The following COL19A1 variants were observed in gnomAD, a reference collection of about 807,000 sequenced individuals.
The protein encoded by COL19A1 is collagen type XIX alpha 1 chain.
A neutral mutation model predicts 190.2 loss-of-function variants in COL19A1; 159 were observed. The observed-to-expected ratio is 0.84, with a 90% CI of 0.73 to 0.95. COL19A1 has a LOEUF of 0.95. COL19A1 is among the 40% of genes least tolerant of loss of function. The pLI is 0.00. For missense variants in COL19A1, 1,418 were observed against 1,431.9 expected (o/e 0.99, Z 0.16); for synonymous variants, 509 against 458.9 (o/e 1.11, Z -1.39).
intron 11 of COL19A1, among the ~76,000 whole-genome samples, chr6:69,964,884 T>C (rs553023307): frequency 6.6e-6 from 1 of 152,336 alleles, no homozygotes; most frequent in Admixed American, 6.5e-5. Flanking sequence ...GTAAAAATGA[T>C]GTTCTGCTTT....
At chr6:69,969,661 T>G (rs969083972) in intron 11 of COL19A1, among the ~76,000 whole-genome samples, 3 of 152,212 alleles carry the variant, frequency 2.0e-5, no homozygotes, top group African/African-American at 7.2e-5. Flanking sequence ...TAGAGATTAT[T>G]TAAAGTATAT....
intron 19 of COL19A1, 90 bp from the exon 20 acceptor site, chr6:70,140,864 T>G: frequency 5.0e-6 from 6 of 1,195,222 alleles, no homozygotes; most frequent in Non-Finnish European, 5.0e-6. Context: ...AATGGGAATC[T>G]GAGTTTGGCC....
intron 11 of COL19A1, among the ~76,000 whole-genome samples, chr6:69,982,353 G>C (rs1237544278): frequency 6.7e-6 from 1 of 148,434 alleles, no homozygotes; most frequent in Non-Finnish European, 1.5e-5. Context: ...CGATTTTCCT[G>C]CCTCAGCCTC....
intron 14 of COL19A1, among the ~76,000 whole-genome samples, chr6:70,052,552 C>T (rs539064295): frequency 6.6e-6 from 1 of 152,286 alleles, no homozygotes; most frequent in African/African-American, 2.4e-5. Context: ...TCTATTCTTA[C>T]TTCTCTTCAG....
chr6:70,039,760 G>T (rs889679546), intron 14 of COL19A1, among the ~76,000 whole-genome samples: 113 of 139,796 alleles, frequency 8.1e-4, no homozygotes, highest in African/African-American at 2.7e-3. Context: ...GGGAAGTATT[G>T]TTTTTTTTTT....
chr6:69,961,415 A>G (rs2150045709), intron 10 of COL19A1, among the ~76,000 whole-genome samples: 1 of 152,352 alleles, frequency 6.6e-6, no homozygotes, highest in East Asian at 1.9e-4. Flanking sequence ...GTTGCAAGCC[A>G]AGGGATGTGC....
intron 9 of COL19A1, among the ~76,000 whole-genome samples, chr6:69,949,821 T>A (rs1404610242): frequency 6.6e-6 from 1 of 151,798 alleles, no homozygotes; most frequent in Non-Finnish European, 1.5e-5. Flanking sequence ...GAATCAGGAG[T>A]ACTTAAGAGT....
chr6:69,913,811 C>T (rs1026300852), intron 4 of COL19A1, among the ~76,000 whole-genome samples: 1 of 152,034 alleles, frequency 6.6e-6, no homozygotes, highest in African/African-American at 2.4e-5. Flanking sequence ...AACAGCTGAG[C>T]GCATATGCCA....
At chr6:69,925,815 T>C (rs938954060) in intron 4 of COL19A1, among the ~76,000 whole-genome samples, 7 of 152,174 alleles carry the variant, frequency 4.6e-5, no homozygotes, top group Non-Finnish European at 8.8e-5. Flanking sequence ...CCTTGTAAGT[T>C]GGATTTCTAG....
intron 18 of COL19A1, among the ~76,000 whole-genome samples, chr6:70,131,672 A>G (rs905493024): frequency 1.4e-5 from 2 of 146,250 alleles, no homozygotes; most frequent in African/African-American, 2.8e-5. Flanking sequence ...GGCTAAGGGG[A>G]AAAAAAAGGA....
chr6:70,153,015 C>T (rs1787172346), intron 31 of COL19A1, among the ~76,000 whole-genome samples: 1 of 152,096 alleles, frequency 6.6e-6, no homozygotes, highest in South Asian at 2.1e-4. Context: ...AATGAGTGTG[C>T]TCTGCCATTG....
chr6:70,146,792 A>G lies in COL19A1; in HGVS notation c.1816-20A>G. The G allele has an allele frequency of 6.3e-7, 1 of 1,592,384 alleles. No individual in the cohort carries two copies. Among genetic ancestry groups the G allele is most frequent in the Non-Finnish European group, 8.5e-7 (1 of 1,171,968 alleles). ...TATGTCTCTTGAGCCTTGCAGTAACAGAAGCCTTTCATTTCACAGGGTGAA... is the reference window on the plus strand; with the variant it reads ...TATGTCTCTTGAGCCTTGCAGTAACGGAAGCCTTTCATTTCACAGGGTGAA... On this transcript the variant is annotated intron_variant, in intron 26 of 50. Transcript: ENST00000620364.
At chr6:69,950,567 G>A (rs2150034340) in intron 9 of COL19A1, among the ~76,000 whole-genome samples, 1 of 151,726 alleles carries the variant, frequency 6.6e-6, no homozygotes, top group Non-Finnish European at 1.5e-5. Flanking sequence ...GGCGACTTCT[G>A]GTAAGCTTGG....
chr6:69,917,486 G>T (rs1771381195), intron 4 of COL19A1, among the ~76,000 whole-genome samples: 1 of 152,158 alleles, frequency 6.6e-6, no homozygotes, highest in Admixed American at 6.5e-5. Context: ...TAGTCTAGAT[G>T]CTTGATTTAC....
At chr6:69,901,709 A>G (rs116913495) in intron 4 of COL19A1, among the ~76,000 whole-genome samples, 2,520 of 152,320 alleles carry the variant, frequency 0.017, 39 homozygotes, top group Non-Finnish European at 0.025. Context: ...GGAGTAGATA[A>G]CTTTAATTAA....
At chr6:70,033,007 A>G (rs1337485075) in intron 12 of COL19A1, among the ~76,000 whole-genome samples, 1 of 152,160 alleles carries the variant, frequency 6.6e-6, no homozygotes, top group Non-Finnish European at 1.5e-5. Context: ...CTCAAATATC[A>G]TTTAATTTTT....
rs79072099 is a variant in COL19A1 at position 69,888,060 on chromosome 6, G to C, written c.91+8402G>C. Among the ~76,000 whole-genome samples, 1,013 of 152,308 alleles carry C rather than the reference G, an allele frequency of 6.7e-3. 24 individuals are homozygous for C. In the East Asian group the frequency reaches 0.07, roughly 11 times the overall value. On this transcript the variant is annotated intron_variant, in intron 2 of 50. Coordinates refer to ENST00000620364, the MANE Select transcript of COL19A1 (RefSeq NM_001858.6). ...CAATCTTAACTTCTTCCTGCTGACA[G>C]GGTGTGCTGTTTTGGGGAAATGGCA...
chr6:69,995,443 A>G (rs1390555365), intron 11 of COL19A1, among the ~76,000 whole-genome samples: 1 of 152,132 alleles, frequency 6.6e-6, no homozygotes, highest in Non-Finnish European at 1.5e-5. Context: ...TTCCTGCCAT[A>G]GCAATTAGCC....
intron 12 of COL19A1, among the ~76,000 whole-genome samples, chr6:70,030,558 A>G (rs553306808): frequency 5.3e-5 from 8 of 152,198 alleles, no homozygotes; most frequent in Non-Finnish European, 1.2e-4. Flanking sequence ...TATAAGGAGT[A>G]TATAATTTAG....
Sources: allele counts gnomAD v4.1 joint callset (sites outside exome capture counted in the v4.1 genomes callset), GRCh38; gene constraint gnomAD v4.1.1; transcripts MANE v1.5; gene names NCBI Gene and HGNC (gene_info 2026-07-23, HGNC 2026-07-21).